Variants in CELF2 observed in about 807,000 individuals in gnomAD.
CELF2 encodes the protein CUGBP Elav-like family member 2, also known as CUG triplet repeat RNA-binding protein 2.
In CELF2, 8 loss-of-function variants were observed where a neutral mutation model predicts 62.6. That is an observed-to-expected ratio of 0.13 (90% CI 0.07 to 0.23). The LOEUF is 0.23. CELF2 is among the 10% of genes least tolerant of loss of function. The probability of loss-of-function intolerance (pLI) is 1.00; values close to 1 mark genes in which losing one functional copy is unlikely to be tolerated. For missense variants in CELF2, 333 were observed against 671.0 expected (o/e 0.50, Z 5.56); for synonymous variants, 258 against 250.0 (o/e 1.03, Z -0.30).
Position 11,098,306 on chromosome 10 carries a change from G to A in CELF2, c.75-67180G>A, listed in dbSNP as rs990448324. 1.3e-5 allele frequency: 2 copies of A among 152,342 alleles called. No homozygotes were observed. The highest frequency in any genetic ancestry group is 4.8e-5 in the African/African-American group (2 of 41,456). 9.4% of individuals were successfully genotyped at this position (152,342 alleles called of 1,614,324 possible). A position where few individuals can be genotyped will look rare whatever the true frequency, so the allele number is the denominator to read the frequency against. ...CGCCTTGTCTTCCTGCGAAGGTTCAGGAGCCAGTGTGTTCTTTCCTCTGGT... is the reference window on the plus strand; with the variant it reads ...CGCCTTGTCTTCCTGCGAAGGTTCAAGAGCCAGTGTGTTCTTTCCTCTGGT... On this transcript the variant is annotated intron_variant, in intron 1 of 12. Coordinates refer to ENST00000633077, the MANE Select transcript of CELF2 (RefSeq NM_001326342.2). The surrounding 1 kb of genome is among the most constrained non-coding windows in gnomAD (Gnocchi z 4.0).
At chr10:11,082,664 C>G (rs1272405499) in intron 1 of CELF2, among the ~76,000 whole-genome samples, 1 of 152,214 alleles carries the variant, frequency 6.6e-6, no homozygotes, top group Non-Finnish European at 1.5e-5. Context: ...TTTCAGATTA[C>G]AGATCTCTGG....
chr10:11,159,338 A>G lies in CELF2; in HGVS notation c.75-6148A>G, dbSNP rs916024136. On this transcript the variant is annotated intron_variant, in intron 1 of 12. Transcript: ENST00000633077. The surrounding 1 kb of genome is among the most constrained non-coding windows in gnomAD (Gnocchi z 5.0). ...CAGTTAAGACATAGCTGTGTCAGAAAGGTGGCAAACTCTGCCCTGCCGAAA... is the reference window on the plus strand; with the variant it reads ...CAGTTAAGACATAGCTGTGTCAGAAGGGTGGCAAACTCTGCCCTGCCGAAA... Among the ~76,000 whole-genome samples the G allele has an allele frequency of 2.6e-5, 4 of 152,256 alleles. No individual in the cohort carries two copies. The highest frequency in any genetic ancestry group is 5.9e-5 in the Non-Finnish European group (4 of 68,042).
the CELF2 span, among the ~76,000 whole-genome samples, chr10:10,734,218 A>G: frequency 6.6e-6 from 1 of 152,288 alleles, no homozygotes. Flanking sequence ...ACAGTTACAA[A>G]TATTATTATT....
intron 1 of CELF2, among the ~76,000 whole-genome samples, chr10:11,162,614 G>C (rs1178708384): frequency 2.0e-5 from 3 of 148,688 alleles, no homozygotes; most frequent in Non-Finnish European, 3.0e-5. Context: ...GGGTGGGGGG[G>C]GTGAAAAAAA....
the CELF2 span, among the ~76,000 whole-genome samples, chr10:10,687,711 A>G: frequency 3.9e-5 from 6 of 152,184 alleles, no homozygotes; most frequent in Non-Finnish European, 8.8e-5. Context: ...TTTTGTATCT[A>G]ATTTCTAGAA....
chr10:10,506,222 C>T, the CELF2 span, among the ~76,000 whole-genome samples: 1 of 150,110 alleles, frequency 6.7e-6, no homozygotes, highest in Non-Finnish European at 1.5e-5. Flanking sequence ...GAGTCTCATG[C>T]TTTTTTTTGT....
At chr10:10,766,225 G>T in the CELF2 span, among the ~76,000 whole-genome samples, 1 of 152,162 alleles carries the variant, frequency 6.6e-6, no homozygotes, top group Non-Finnish European at 1.5e-5. Context: ...TCCCAGATTC[G>T]TACATCCTGG....
At chr10:11,069,419 A>G (rs1289482602) in intron 1 of CELF2, among the ~76,000 whole-genome samples, 4 of 152,182 alleles carry the variant, frequency 2.6e-5, no homozygotes, top group Admixed American at 1.3e-4. Flanking sequence ...ATTTTCCTCA[A>G]CTCAGGAATC....
the CELF2 span, among the ~76,000 whole-genome samples, chr10:10,651,853 C>T: frequency 5.3e-5 from 8 of 150,934 alleles, no homozygotes; most frequent in South Asian, 2.1e-4. Flanking sequence ...TCACCAGCAA[C>T]GGAACAAAGC....
At chr10:10,624,708 C>T in the CELF2 span, among the ~76,000 whole-genome samples, 1 of 152,220 alleles carries the variant, frequency 6.6e-6, no homozygotes, top group Non-Finnish European at 1.5e-5. Context: ...ATCTAAACAT[C>T]TATAAATAGC....
chr10:10,604,395 G>A, the CELF2 span, among the ~76,000 whole-genome samples: 1 of 152,132 alleles, frequency 6.6e-6, no homozygotes, highest in African/African-American at 2.4e-5. Flanking sequence ...AAATCATCAG[G>A]TTCTATGGTT....
At chr10:10,680,650 C>A in the CELF2 span, among the ~76,000 whole-genome samples, 7 of 152,024 alleles carry the variant, frequency 4.6e-5, no homozygotes, top group African/African-American at 1.7e-4. Flanking sequence ...ACTTGGATAG[C>A]GCGTGGCCCA....
intron 2 of CELF2, among the ~76,000 whole-genome samples, chr10:10,929,366 C>T (rs373725891): frequency 2.2e-4 from 33 of 152,222 alleles, no homozygotes; most frequent in Middle Eastern, 3.4e-3. Flanking sequence ...TGGAGATAAC[C>T]CATGTAAAGT....
chr10:10,539,176 T>C, the CELF2 span, among the ~76,000 whole-genome samples: 1 of 152,184 alleles, frequency 6.6e-6, no homozygotes, highest in African/African-American at 2.4e-5. Context: ...AGCTATGAGA[T>C]TTAGAGATGG....
intron 1 of CELF2, among the ~76,000 whole-genome samples, chr10:11,041,609 G>A (rs1272715212): frequency 6.6e-6 from 1 of 152,214 alleles, no homozygotes; most frequent in Non-Finnish European, 1.5e-5. Flanking sequence ...ATAATTCTTA[G>A]TTCTCAACTC....
At chr10:11,054,214 G>T (rs1386121296) in intron 1 of CELF2, among the ~76,000 whole-genome samples, 3 of 152,176 alleles carry the variant, frequency 2.0e-5, no homozygotes, top group Admixed American at 6.5e-5. Context: ...ATGCCTGTTT[G>T]TATAGTGGTA....
chr10:10,732,087 T>G, the CELF2 span, among the ~76,000 whole-genome samples: 4 of 152,108 alleles, frequency 2.6e-5, no homozygotes, highest in East Asian at 7.7e-4. Flanking sequence ...TAACTCATGA[T>G]GTAGCTTCCC....
In CELF2 at chr10:11,318,597, C is replaced by CATTAAAAAA; in HGVS notation, c.1097-2591_1097-2590insTTAAAAAAA. The stretch of plus-strand genomic sequence containing the variant: ...GGAGAGAAGGATGTGGCTGGAATGT[C>CATTAAAAAA]ACTGGCTGGAGCTCCAAGCCTCACA... On this transcript the variant is annotated intron_variant, in intron 10 of 12. Transcript: ENST00000633077. The surrounding 1 kb of genome is among the most constrained non-coding windows in gnomAD (Gnocchi z 5.4). 2.7e-6 allele frequency: 1 copy of CATTAAAAAA among 373,676 alleles called. No individual in the cohort carries two copies. Among genetic ancestry groups the CATTAAAAAA allele is most frequent in the East Asian group, 7.3e-5 (1 of 13,678 alleles). The allele number at this position is 373,676 out of a possible 1,614,324, so 23.1% of individuals were successfully genotyped here. A position where few individuals can be genotyped will look rare whatever the true frequency, so the allele number is the denominator to read the frequency against.
At chr10:10,522,203 A>G in the CELF2 span, among the ~76,000 whole-genome samples, 49 of 152,204 alleles carry the variant, frequency 3.2e-4, no homozygotes, top group Non-Finnish European at 6.3e-4. Context: ...AATACTTCGA[A>G]GTATTCTATG....
Sources: allele counts gnomAD v4.1 joint callset (sites outside exome capture counted in the v4.1 genomes callset), GRCh38; gene constraint gnomAD v4.1.1; non-coding constraint Gnocchi (gnomAD v3.1); transcripts MANE v1.5; gene names NCBI Gene and HGNC (gene_info 2026-07-23, HGNC 2026-07-21).